AFG2B: variants seen among roughly 807,000 people sequenced by gnomAD.
AFG2B encodes the protein AAA ATPase AFG2B, also known as ATPase family gene 2 protein homolog B.
At chr15:45,417,218 A>G in the AFG2B span, 1 of 1,575,140 alleles carries the variant, frequency 6.3e-7, no homozygotes, top group Middle Eastern at 1.7e-4. Context: ...ATTTTTAGAA[A>G]ACTTATTAAC....
chr15:45,410,379 A>G, the AFG2B span: 128 of 1,613,260 alleles, frequency 7.9e-5, no homozygotes, highest in Non-Finnish European at 1.0e-4. Flanking sequence ...CAGAACCAGG[A>G]CAATCCTGTG....
At chr15:45,405,078 C>T in the AFG2B span, among the ~76,000 whole-genome samples, 18 of 152,046 alleles carry the variant, frequency 1.2e-4, no homozygotes, top group East Asian at 3.1e-3. Context: ...TTGAAATATA[C>T]GAGAAATTAT....
At chr15:45,405,634 C>A in the AFG2B span, 4 of 822,576 alleles carry the variant, frequency 4.9e-6, no homozygotes, top group African/African-American at 5.2e-5. Context: ...GTTGCTTATA[C>A]ATTTTACATC....
chr15:45,404,481 AT>A, the AFG2B span, among the ~76,000 whole-genome samples: 1 of 132,588 alleles, frequency 7.5e-6, no homozygotes, highest in Non-Finnish European at 1.6e-5. Context: ...GGTTCACTAA[AT>A]TGTCGTACAT....
the AFG2B span, chr15:45,415,741 A>C: frequency 1.2e-6 from 2 of 1,614,054 alleles, no homozygotes; most frequent in Non-Finnish European, 8.5e-7. Context: ...GTTGGACTTA[A>C]GACAATAGAG....
the AFG2B span, among the ~76,000 whole-genome samples, chr15:45,409,993 T>C: frequency 6.6e-6 from 1 of 152,212 alleles, no homozygotes; most frequent in African/African-American, 2.4e-5. Flanking sequence ...TTCAGTAGTG[T>C]ATTATGGAAT....
At chr15:45,405,240 A>C in the AFG2B span, 1 of 1,359,922 alleles carries the variant, frequency 7.4e-7, no homozygotes, top group Non-Finnish European at 9.9e-7. Flanking sequence ...GTCTACCTCC[A>C]TCCATGAGAT....
chr15:45,407,035 G>A, the AFG2B span: 7 of 1,289,084 alleles, frequency 5.4e-6, no homozygotes, highest in South Asian at 7.4e-5. Flanking sequence ...GAAGTTCCAG[G>A]TTTGACCATA....
the AFG2B span, chr15:45,418,656 G>T: frequency 6.2e-7 from 1 of 1,613,566 alleles, no homozygotes; most frequent in Non-Finnish European, 8.5e-7. Context: ...TTTTTCTGGA[G>T]CTGATCTTAG....
At chr15:45,415,834 A>G in the AFG2B span, 1 of 1,545,990 alleles carries the variant, frequency 6.5e-7, no homozygotes, top group South Asian at 1.2e-5. Flanking sequence ...GAATGCACCT[A>G]AAATCCAGGC....
the AFG2B span, chr15:45,414,771 G>A: frequency 2.0e-5 from 32 of 1,613,604 alleles, no homozygotes; most frequent in African/African-American, 4.0e-5. Flanking sequence ...CAGAAAAAGT[G>A]TTGTCTCAGG....
At chr15:45,405,009 A>G in the AFG2B span, among the ~76,000 whole-genome samples, 291 of 152,214 alleles carry the variant, frequency 1.9e-3, 5 homozygotes, top group Admixed American at 0.019. Context: ...ATCACCTCAA[A>G]CATTTATCAT....
At chr15:45,420,044 CCTGA>C in the AFG2B span, among the ~76,000 whole-genome samples, 10 of 145,514 alleles carry the variant, frequency 6.9e-5, no homozygotes, top group African/African-American at 2.3e-4. Context: ...GAACCACTCT[CCTGA>C]CTAACAACAG....
the AFG2B span, among the ~76,000 whole-genome samples, chr15:45,404,502 G>T: frequency 1.3e-5 from 2 of 152,056 alleles, no homozygotes; most frequent in Non-Finnish European, 2.9e-5. Context: ...TGTTTGTCAG[G>T]ATAAAAAACA....
At chr15:45,420,130 G>T in the AFG2B span, among the ~76,000 whole-genome samples, 1 of 151,990 alleles carries the variant, frequency 6.6e-6, no homozygotes, top group South Asian at 2.1e-4. Flanking sequence ...TTTCTGTCTG[G>T]TTCTTTAACC....
At chr15:45,415,688 T>C in the AFG2B span, 1 of 1,614,148 alleles carries the variant, frequency 6.2e-7, no homozygotes, top group Non-Finnish European at 8.5e-7. Context: ...GATGTGATGT[T>C]CAAGAACGAG....
At chr15:45,406,509 G>T in the AFG2B span, among the ~76,000 whole-genome samples, 2 of 152,110 alleles carry the variant, frequency 1.3e-5, no homozygotes. Flanking sequence ...ATTTGTCCTT[G>T]ATCTGCAGGT....
At chr15:45,403,646 C>A in the AFG2B span, 1 of 1,193,360 alleles carries the variant, frequency 8.4e-7, no homozygotes, top group Non-Finnish European at 1.2e-6. Context: ...GGGCTCTTTG[C>A]AATGCAGAGA....
chr15:45,418,779 A>G, the AFG2B span: 2 of 1,470,622 alleles, frequency 1.4e-6, no homozygotes, highest in African/African-American at 1.4e-5. Flanking sequence ...CCTGTGTGGT[A>G]CCATGTGATG....
Sources: gnomAD v4.1 joint callset for allele counts (sites outside exome capture counted in the v4.1 genomes callset) on GRCh38, gnomAD v4.1.1 for gene constraint, MANE v1.5 for transcripts, NCBI Gene and HGNC (gene_info 2026-07-23, HGNC 2026-07-21) for gene names.